The following PLXNA4 variants were observed in gnomAD, a reference collection of about 807,000 sequenced individuals.
PLXNA4 encodes the protein plexin A4.
PLXNA4 carries 44 observed loss-of-function variants against 191.8 expected under a neutral mutation model. The observed-to-expected ratio is 0.23, with a 90% CI of 0.18 to 0.29. PLXNA4 has a LOEUF of 0.29. Ranked by LOEUF, PLXNA4 falls within the 10% of genes least tolerant of loss-of-function variation. The pLI is 1.00. For missense variants in PLXNA4, 1,800 were observed against 2,488.8 expected, an observed-to-expected ratio of 0.72 and a Z score of 5.89; for synonymous variants, 1,082 against 1,009.5, an observed-to-expected ratio of 1.07 and a Z score of -1.36.
At chr7:132,157,085 C>A (rs1160029852) in intron 25 of PLXNA4, among the ~76,000 whole-genome samples, 1 of 152,186 alleles carries the variant, frequency 6.6e-6, no homozygotes, top group Non-Finnish European at 1.5e-5. Context: ...GTGTGGGGAT[C>A]TTATTCCTCC....
chr7:132,562,985 T>TCCCTCCTCCTC (rs1563175152), intron 1 of PLXNA4, among the ~76,000 whole-genome samples: 3 of 7,594 alleles, frequency 4.0e-4, no homozygotes, highest in African/African-American at 1.2e-3. Context: ...TCCTCCTCCT[T>TCCCTCCTCCTC]CTCCTCCTCC....
At chr7:132,392,960 C>T (rs533975657) in intron 3 of PLXNA4, among the ~76,000 whole-genome samples, 7 of 152,278 alleles carry the variant, frequency 4.6e-5, no homozygotes, top group African/African-American at 9.6e-5. Flanking sequence ...GGACCTCCTC[C>T]GGTTGGCACG....
chr7:132,365,368 C>CGCGCGCGT (rs1804132489), intron 3 of PLXNA4, among the ~76,000 whole-genome samples: 1 of 130,904 alleles, frequency 7.6e-6, no homozygotes, highest in South Asian at 2.5e-4. Flanking sequence ...TGTGCGTGCG[C>CGCGCGCGT]GCGCATGCAT....
chr7:132,131,428 C>T (rs1271763036), intron 31 of PLXNA4, among the ~76,000 whole-genome samples: 1 of 151,832 alleles, frequency 6.6e-6, no homozygotes, highest in Non-Finnish European at 1.5e-5. Context: ...GCACCCTCAA[C>T]ACAAGGCCTG....
chr7:132,421,073 C>G (rs1413021776), intron 3 of PLXNA4, among the ~76,000 whole-genome samples: 1 of 152,176 alleles, frequency 6.6e-6, no homozygotes, highest in Non-Finnish European at 1.5e-5. Context: ...AAAACTCTGT[C>G]CCTGCTAAAC....
intron 3 of PLXNA4, among the ~76,000 whole-genome samples, chr7:132,370,434 C>G (rs992039202): frequency 6.6e-6 from 1 of 152,214 alleles, no homozygotes; most frequent in East Asian, 1.9e-4. Context: ...GATGTCCAGC[C>G]CACAGCCTTT....
At chr7:132,382,353 G>C (rs1000516795) in intron 3 of PLXNA4, among the ~76,000 whole-genome samples, 16 of 152,152 alleles carry the variant, frequency 1.1e-4, no homozygotes, top group Admixed American at 9.8e-4. Flanking sequence ...GTGCAGTGTA[G>C]ACACAAAAAT....
intron 3 of PLXNA4, among the ~76,000 whole-genome samples, chr7:132,467,636 A>T (rs984285486): frequency 1.4e-4 from 22 of 152,326 alleles, no homozygotes; most frequent in African/African-American, 5.3e-4. Flanking sequence ...AGAGAGGGCA[A>T]AGTAACTGCC....
At chr7:132,619,415 T>G (rs1427452569) in intron 2 of PLXNA4, among the ~76,000 whole-genome samples, 2 of 152,286 alleles carry the variant, frequency 1.3e-5, no homozygotes, top group Non-Finnish European at 2.9e-5. Flanking sequence ...AGAATTTTTC[T>G]GTTAATACTT....
chr7:132,284,903 T>C (rs1800626880), intron 4 of PLXNA4, among the ~76,000 whole-genome samples: 2 of 152,150 alleles, frequency 1.3e-5, no homozygotes, highest in East Asian at 1.9e-4. Context: ...TTAGTAGAGA[T>C]GGAGTTTCAC....
chr7:132,157,901 C>A (rs1336392055), intron 25 of PLXNA4, among the ~76,000 whole-genome samples: 1 of 152,242 alleles, frequency 6.6e-6, no homozygotes, highest in East Asian at 1.9e-4. Flanking sequence ...AGTTTCCTCA[C>A]CCCATGAGTC....
chr7:132,604,421 T>G (rs1424491533), intron 2 of PLXNA4, among the ~76,000 whole-genome samples: 1 of 152,198 alleles, frequency 6.6e-6, no homozygotes, highest in East Asian at 1.9e-4. Flanking sequence ...CTAATTCATC[T>G]CTGCCCCTGG....
intron 3 of PLXNA4, among the ~76,000 whole-genome samples, chr7:132,453,387 AC>A (rs1796199037): frequency 6.6e-6 from 1 of 151,832 alleles, no homozygotes; most frequent in East Asian, 1.9e-4. Flanking sequence ...TGTGAGAAAT[AC>A]CCCTTTTTGG....
chr7:132,452,373 C>G (rs1001209920), intron 3 of PLXNA4, among the ~76,000 whole-genome samples: 2 of 152,176 alleles, frequency 1.3e-5, no homozygotes, highest in African/African-American at 2.4e-5. Context: ...ACCCAGGGAG[C>G]CTGTGGCATG....
chr7:132,317,138 T>C (rs1801973967), intron 3 of PLXNA4, among the ~76,000 whole-genome samples: 1 of 152,164 alleles, frequency 6.6e-6, no homozygotes. Flanking sequence ...TTGAGTTGTG[T>C]TGTGTTGAAT....
At position 132,261,556 on chromosome 7, in the gene PLXNA4, G is replaced by A. The variant is rs375849834; in HGVS notation, c.1504-20390C>T. Among the ~76,000 whole-genome samples the A allele has an allele frequency of 6.5e-4, 99 of 152,350 alleles. No individual in the cohort carries two copies. The South Asian group carries it at 0.019, about 29-fold the overall frequency. ...TGATGAATGATGCTAGGCTGGACAA[G>A]CCACACCCCAAGGTATTTCCACTGT... On this transcript the variant is annotated intron_variant, in intron 4 of 31. Coordinates refer to ENST00000321063, the MANE Select transcript of PLXNA4 (RefSeq NM_020911.2).
chr7:132,185,484 G>A, intron 15 of PLXNA4, 21 bp from the exon 16 acceptor site: 1 of 1,601,972 alleles, frequency 6.2e-7, no homozygotes. Context: ...GGAAGACAGA[G>A]CACTGGGCGC....
At chr7:132,449,659 T>A (rs1215044161) in intron 3 of PLXNA4, among the ~76,000 whole-genome samples, 1 of 152,216 alleles carries the variant, frequency 6.6e-6, no homozygotes, top group East Asian at 1.9e-4. Flanking sequence ...ACTGCCACCA[T>A]TGGTCATGCT....
chr7:132,348,556 A>C (rs1007277467), intron 3 of PLXNA4, among the ~76,000 whole-genome samples: 4 of 152,172 alleles, frequency 2.6e-5, no homozygotes, highest in Non-Finnish European at 5.9e-5. Context: ...AGGTCAATGG[A>C]GAGGTTGTTC....
Sources: allele counts gnomAD v4.1 joint callset (sites outside exome capture counted in the v4.1 genomes callset), GRCh38; gene constraint gnomAD v4.1.1; transcripts MANE v1.5; gene names NCBI Gene and HGNC (gene_info 2026-07-23, HGNC 2026-07-21).